Variants in LYRM4 observed in about 807,000 individuals in gnomAD.
LYRM4 encodes LYR motif containing 4.
Under a neutral mutation model 11.7 loss-of-function variants are expected in LYRM4, and 9 were observed. The ratio of observed to expected loss-of-function variants is 0.77; its 90% CI spans 0.46 to 1.34. The LOEUF is 1.34. LYRM4 is among the 40% of genes most tolerant of loss of function. The pLI is 0.00. For missense variants in LYRM4, 133 were observed against 112.5 expected (o/e 1.18, Z -0.82); for synonymous variants, 42 against 40.4 (o/e 1.04, Z -0.15).
rs527419132 is a variant in LYRM4 at position 5,152,298 on chromosome 6, G to A, written c.208-42807C>T. 5.9e-5 allele frequency among the ~76,000 whole-genome samples: 9 copies of A among 152,250 alleles called. No homozygotes were observed. In the Middle Eastern group the frequency reaches 0.01, roughly 173 times the overall value. The stretch of plus-strand genomic sequence containing the variant: ...TGCTTCCCTGATCAGCTGCAGGCAA[G>A]TATGTGATGCCAAAAGCATTTCCTA... On this transcript the variant is annotated intron_variant, in intron 2 of 2. Coordinates refer to ENST00000330636, the MANE Select transcript of LYRM4 (RefSeq NM_020408.6).
chr6:5,044,772 G>GA, the LYRM4 span, among the ~76,000 whole-genome samples: 1 of 152,314 alleles, frequency 6.6e-6, no homozygotes. Context: ...CATCCTGGTG[G>GA]AAGAAACACT....
At chr6:5,066,279 C>T in the LYRM4 span, 1 of 720,382 alleles carries the variant, frequency 1.4e-6, no homozygotes, top group African/African-American at 1.7e-5. Flanking sequence ...CCGTTAGTTT[C>T]TGGAATTCTT....
intron 1 of LYRM4, among the ~76,000 whole-genome samples, chr6:5,230,232 A>G (rs931165820): frequency 4.6e-5 from 7 of 152,188 alleles, no homozygotes; most frequent in African/African-American, 1.4e-4. Flanking sequence ...ACATGCTCCT[A>G]AACTCAAAGA....
intron 2 of LYRM4, among the ~76,000 whole-genome samples, chr6:5,188,251 G>A (rs1760539247): frequency 6.6e-6 from 1 of 151,798 alleles, no homozygotes; most frequent in Non-Finnish European, 1.5e-5. Flanking sequence ...ATGTGCCTAT[G>A]GCATGAGGTG....
At chr6:5,156,224 G>A (rs1206312170) in intron 2 of LYRM4, among the ~76,000 whole-genome samples, 1 of 152,232 alleles carries the variant, frequency 6.6e-6, no homozygotes, top group East Asian at 1.9e-4. Flanking sequence ...TCATGAAGCT[G>A]AGGCTCACAG....
At chr6:5,041,805 T>A in the LYRM4 span, among the ~76,000 whole-genome samples, 1 of 152,236 alleles carries the variant, frequency 6.6e-6, no homozygotes, top group African/African-American at 2.4e-5. Context: ...TCTCTGCTAA[T>A]AAACTATAAG....
At chr6:5,229,026 A>AG (rs1284424307) in intron 1 of LYRM4, among the ~76,000 whole-genome samples, 1 of 150,750 alleles carries the variant, frequency 6.6e-6, no homozygotes, top group Non-Finnish European at 1.5e-5. Context: ...AAAAAAAAAA[A>AG]GAATATTTCC....
chr6:5,065,358 C>T, the LYRM4 span, among the ~76,000 whole-genome samples: 1 of 151,872 alleles, frequency 6.6e-6, no homozygotes, highest in Admixed American at 6.6e-5. Context: ...AAGTTTAAAT[C>T]ATATTAAAAT....
chr6:5,094,041 T>C, the LYRM4 span, among the ~76,000 whole-genome samples: 1 of 152,338 alleles, frequency 6.6e-6, no homozygotes, highest in South Asian at 2.1e-4. Context: ...TGAAACCAGA[T>C]AGGGCTGAGT....
At chr6:5,092,660 G>A in the LYRM4 span, among the ~76,000 whole-genome samples, 3 of 152,186 alleles carry the variant, frequency 2.0e-5, no homozygotes, top group Non-Finnish European at 2.9e-5. Flanking sequence ...AGAGGTTGCA[G>A]TGAGCCGAGA....
chr6:5,064,906 G>A, the LYRM4 span, among the ~76,000 whole-genome samples: 1 of 151,848 alleles, frequency 6.6e-6, no homozygotes, highest in Non-Finnish European at 1.5e-5. Flanking sequence ...AAAGTCCATA[G>A]TTTACATCAA....
At chr6:5,122,966 G>A (rs996185830) in intron 2 of LYRM4, among the ~76,000 whole-genome samples, 2 of 152,200 alleles carry the variant, frequency 1.3e-5, no homozygotes, top group African/African-American at 4.8e-5. Context: ...GTAAACACGT[G>A]GCCAGCAACA....
chr6:5,163,767 C>G (rs533028296), intron 2 of LYRM4, among the ~76,000 whole-genome samples: 1 of 152,084 alleles, frequency 6.6e-6, no homozygotes, highest in South Asian at 2.1e-4. Context: ...GCATGCACCA[C>G]CATGCCTGGC....
chr6:5,255,499 G>GA (rs113293135), intron 1 of LYRM4, among the ~76,000 whole-genome samples: 42,733 of 151,704 alleles, frequency 0.28, 7,452 homozygotes, highest in African/African-American at 0.5. Context: ...GTTTTTAAAA[G>GA]CTTTTTTTTT....
chr6:5,109,291 TG>T lies in LYRM4; in HGVS notation c.*131del. Reference sequence around the variant, plus strand: ...CCTGCAACAGAATGCAAATGTGACTTGGTTTATCAGCTCCCACAGGACAGGC... The same window carrying T: ...CCTGCAACAGAATGCAAATGTGACTTGTTTATCAGCTCCCACAGGACAGGC... On this transcript the variant is annotated 3_prime_UTR_variant, in exon 3 of 3. Coordinates refer to ENST00000330636, the MANE Select transcript of LYRM4 (RefSeq NM_020408.6). 2 of 1,532,304 alleles carry T rather than the reference TG, an allele frequency of 1.3e-6. No homozygotes were observed. The highest frequency in any genetic ancestry group is 1.8e-6 in the Non-Finnish European group (2 of 1,136,710). 94.9% of individuals were successfully genotyped at this position (1,532,304 alleles called of 1,614,324 possible).
At chr6:5,206,060 A>T (rs1761678770) in intron 2 of LYRM4, among the ~76,000 whole-genome samples, 1 of 152,242 alleles carries the variant, frequency 6.6e-6, no homozygotes, top group Non-Finnish European at 1.5e-5. Flanking sequence ...AAGAAAACAC[A>T]CTTGCTGGGA....
downstream of LYRM4, among the ~76,000 whole-genome samples, chr6:5,101,022 C>T (rs2127588470): frequency 6.6e-6 from 1 of 152,310 alleles, no homozygotes; most frequent in African/African-American, 2.4e-5. Context: ...GCTGGTCTCC[C>T]TACCCTCTCA....
chr6:5,242,219 C>T (rs1481067822), intron 1 of LYRM4, among the ~76,000 whole-genome samples: 7 of 151,802 alleles, frequency 4.6e-5, no homozygotes, highest in Non-Finnish European at 8.8e-5. Context: ...ACTACAGGCA[C>T]GTGCCACCAC....
the LYRM4 span, among the ~76,000 whole-genome samples, chr6:5,067,150 C>A: frequency 2.0e-5 from 3 of 152,192 alleles, no homozygotes; most frequent in Non-Finnish European, 4.4e-5. Flanking sequence ...TCCACCTCTT[C>A]CAAGTTCACC....
Sources: allele counts gnomAD v4.1 joint callset (sites outside exome capture counted in the v4.1 genomes callset), GRCh38; gene constraint gnomAD v4.1.1; transcripts MANE v1.5; gene names NCBI Gene and HGNC (gene_info 2026-07-23, HGNC 2026-07-21).